Variants in GARIN4 observed in about 807,000 individuals in gnomAD.
GARIN4 encodes golgi associated RAB2 interactor family member 4.
At chr1:212,625,396 C>T in the GARIN4 span, 1 of 1,614,248 alleles carries the variant, frequency 6.2e-7, no homozygotes, top group Non-Finnish European at 8.5e-7. Flanking sequence ...TAATTTACCT[C>T]TTGCGGCCAC....
At chr1:212,624,787 A>T in the GARIN4 span, 1 of 1,445,774 alleles carries the variant, frequency 6.9e-7, no homozygotes, top group Admixed American at 2.8e-5. Context: ...TTTGTGACCC[A>T]GGAGCACCAC....
chr1:212,625,529 C>A, the GARIN4 span: 1 of 1,614,178 alleles, frequency 6.2e-7, no homozygotes, highest in Non-Finnish European at 8.5e-7. Flanking sequence ...GGATCAGGAC[C>A]AGGTCAGCAT....
At chr1:212,625,119 C>G in the GARIN4 span, 15 of 1,614,210 alleles carry the variant, frequency 9.3e-6, no homozygotes, top group Non-Finnish European at 1.1e-5. Flanking sequence ...CCCATCCTCC[C>G]ACTCCCAGAT....
chr1:212,625,081 G>A, the GARIN4 span: 1 of 1,614,124 alleles, frequency 6.2e-7, no homozygotes, highest in South Asian at 1.1e-5. Context: ...GTGTCCGTAT[G>A]GTGACCATGG....
chr1:212,626,093 G>A, the GARIN4 span: 92 of 1,614,160 alleles, frequency 5.7e-5, no homozygotes, highest in African/African-American at 8.9e-4. Flanking sequence ...CAGCCTGAGT[G>A]GACAGCATGG....
the GARIN4 span, chr1:212,626,368 C>T: frequency 6.2e-7 from 1 of 1,614,194 alleles, no homozygotes; most frequent in Admixed American, 1.7e-5. Context: ...GCCACACGCC[C>T]ATCTCAAAGG....
the GARIN4 span, chr1:212,625,314 G>A: frequency 6.2e-7 from 1 of 1,614,106 alleles, no homozygotes; most frequent in African/African-American, 1.3e-5. Flanking sequence ...TTCGCCACTG[G>A]CAGATCTTGC....
At chr1:212,625,698 G>T in the GARIN4 span, 1 of 1,613,952 alleles carries the variant, frequency 6.2e-7, no homozygotes, top group Non-Finnish European at 8.5e-7. Context: ...GCAACAGGGG[G>T]GATTAAAGAG....
chr1:212,625,128 A>G, the GARIN4 span: 11 of 1,614,032 alleles, frequency 6.8e-6, no homozygotes, highest in Admixed American at 1.8e-4. Context: ...CCACTCCCAG[A>G]TGTCATGCTA....
the GARIN4 span, chr1:212,624,819 G>A: frequency 1.4e-6 from 2 of 1,480,454 alleles, no homozygotes; most frequent in Admixed American, 5.2e-5. Context: ...CTGCCACCGA[G>A]GCCAAGGAAG....
the GARIN4 span, chr1:212,626,470 G>T: frequency 6.8e-6 from 11 of 1,614,116 alleles, no homozygotes; most frequent in Non-Finnish European, 8.5e-6. Context: ...CTTTCCTGAG[G>T]AACGTCAGAG....
the GARIN4 span, chr1:212,625,693 AG>A: frequency 1.2e-6 from 2 of 1,614,064 alleles, no homozygotes; most frequent in Non-Finnish European, 1.7e-6. Context: ...AGCCAGCAAC[AG>A]GGGGGATTAA....
At chr1:212,626,218 C>G in the GARIN4 span, 2 of 1,614,162 alleles carry the variant, frequency 1.2e-6, no homozygotes, top group Non-Finnish European at 1.7e-6. Context: ...AAAGCCGCCA[C>G]AAAACAAGGG....
At chr1:212,625,220 A>G in the GARIN4 span, 14 of 1,613,968 alleles carry the variant, frequency 8.7e-6, no homozygotes, top group Non-Finnish European at 1.2e-5. Context: ...GGCAGCAAAG[A>G]ACTTAGAGCT....
the GARIN4 span, chr1:212,624,852 T>G: frequency 3.2e-6 from 5 of 1,542,694 alleles, no homozygotes; most frequent in Non-Finnish European, 4.4e-6. Context: ...GCCTCACCAG[T>G]GCTGCCGTTG....
At chr1:212,624,726 G>T in the GARIN4 span, 4 of 1,397,792 alleles carry the variant, frequency 2.9e-6, no homozygotes, top group Admixed American at 3.0e-5. Flanking sequence ...TGAGGCAACA[G>T]TGGGGGCCTG....
chr1:212,625,244 C>A, the GARIN4 span: 3 of 1,614,138 alleles, frequency 1.9e-6, no homozygotes, highest in Middle Eastern at 1.6e-4. Context: ...CAGGCTTCTG[C>A]CCCTGAGGTT....
the GARIN4 span, chr1:212,624,749 G>A: frequency 0.071 from 101,946 of 1,427,030 alleles, 4,124 homozygotes; most frequent in Middle Eastern, 0.14. Flanking sequence ...GGGTGGGGTG[G>A]GATTGAGAGA....
chr1:212,626,610 T>A, the GARIN4 span: 2 of 1,613,332 alleles, frequency 1.2e-6, no homozygotes, highest in Non-Finnish European at 1.7e-6. Flanking sequence ...CTGGAGACGG[T>A]TGGTTCTATG....
Sources: allele counts gnomAD v4.1 joint callset, GRCh38; gene constraint gnomAD v4.1.1; transcripts MANE v1.5; gene names NCBI Gene and HGNC (gene_info 2026-07-23, HGNC 2026-07-21).